Variants in SGCZ observed in about 807,000 individuals in gnomAD.
SGCZ encodes zeta-sarcoglycan.
A neutral mutation model predicts 41.3 loss-of-function variants in SGCZ; 40 were observed. That is an observed-to-expected ratio of 0.97 (90% CI 0.75 to 1.26). SGCZ has a LOEUF of 1.26. SGCZ is among the 50% of genes most tolerant of loss of function. The pLI is 0.00. For missense variants in SGCZ, 552 were observed against 369.8 expected (o/e 1.49, Z -4.04); for synonymous variants, 206 against 137.5 (o/e 1.50, Z -3.49).
intron 4 of SGCZ, among the ~76,000 whole-genome samples, chr8:14,181,015 G>A (rs189134878): frequency 3.3e-4 from 51 of 152,256 alleles, no homozygotes; most frequent in African/African-American, 1.0e-3. Context: ...AGTCGATACC[G>A]TTTGCAAGGC....
chr8:14,820,999 T>A (rs1361275992), intron 1 of SGCZ, among the ~76,000 whole-genome samples: 1 of 148,562 alleles, frequency 6.7e-6, no homozygotes, highest in African/African-American at 2.5e-5. Context: ...CAGAGATAAG[T>A]AAAATAGCGA....
chr8:14,300,029 A>G (rs1801133712), intron 3 of SGCZ, among the ~76,000 whole-genome samples: 1 of 151,964 alleles, frequency 6.6e-6, no homozygotes, highest in Non-Finnish European at 1.5e-5. Flanking sequence ...GGCAAAATTG[A>G]TCTATGGTTT....
intron 1 of SGCZ, among the ~76,000 whole-genome samples, chr8:15,140,317 G>A (rs746058038): frequency 2.6e-5 from 4 of 152,118 alleles, no homozygotes; most frequent in Non-Finnish European, 5.9e-5. Context: ...GAGCCACCGT[G>A]CCCAGTCATT....
intron 3 of SGCZ, among the ~76,000 whole-genome samples, chr8:14,269,838 T>A (rs982255630): frequency 6.6e-6 from 1 of 152,150 alleles, no homozygotes; most frequent in Non-Finnish European, 1.5e-5. Context: ...TTGCTTGATA[T>A]CCTTTCAATA....
At chr8:14,364,455 C>T (rs1450932894) in intron 2 of SGCZ, among the ~76,000 whole-genome samples, 2 of 152,110 alleles carry the variant, frequency 1.3e-5, no homozygotes, top group Non-Finnish European at 2.9e-5. Context: ...ACAGCACTGC[C>T]TGCTTTGATT....
At chr8:14,721,631 G>C (rs898337339) in intron 1 of SGCZ, among the ~76,000 whole-genome samples, 1 of 152,060 alleles carries the variant, frequency 6.6e-6, no homozygotes, top group Admixed American at 6.6e-5. Flanking sequence ...TTCTCACTTG[G>C]ATTATTATGA....
chr8:14,570,413 T>C (rs184469835), intron 1 of SGCZ, among the ~76,000 whole-genome samples: 3 of 152,340 alleles, frequency 2.0e-5, no homozygotes, highest in Non-Finnish European at 2.9e-5. Flanking sequence ...TTGCTATTTA[T>C]GTCACACTAA....
intron 2 of SGCZ, among the ~76,000 whole-genome samples, chr8:14,412,856 G>C (rs1404476837): frequency 6.6e-6 from 1 of 151,970 alleles, no homozygotes; most frequent in African/African-American, 2.4e-5. Flanking sequence ...TCTGAAACTT[G>C]ATAGATATGG....
At chr8:14,305,703 C>A (rs551688915) in intron 3 of SGCZ, among the ~76,000 whole-genome samples, 1 of 152,246 alleles carries the variant, frequency 6.6e-6, no homozygotes, top group East Asian at 1.9e-4. Context: ...TTTTTCCCAT[C>A]GCTGTATTTC....
intron 1 of SGCZ, among the ~76,000 whole-genome samples, chr8:14,796,902 C>T (rs539045851): frequency 7.9e-5 from 12 of 152,198 alleles, no homozygotes; most frequent in African/African-American, 2.9e-4. Context: ...CCCCTTCACT[C>T]AGCTATCAGT....
chr8:15,183,249 A>G (rs951593131), intron 1 of SGCZ, among the ~76,000 whole-genome samples: 1 of 152,264 alleles, frequency 6.6e-6, no homozygotes. Context: ...TTTATTATCA[A>G]GTATTATATA....
chr8:15,034,941 C>G (rs1329482772), intron 1 of SGCZ, among the ~76,000 whole-genome samples: 1 of 152,070 alleles, frequency 6.6e-6, no homozygotes, highest in Non-Finnish European at 1.5e-5. Flanking sequence ...GGACTTGTCT[C>G]CTAAGAAAGC....
intron 1 of SGCZ, among the ~76,000 whole-genome samples, chr8:14,911,406 A>T (rs11988018): frequency 1.3e-5 from 2 of 151,996 alleles, no homozygotes; most frequent in Non-Finnish European, 2.9e-5. Context: ...TAGGACATTA[A>T]ATAGCTATTG....
chr8:14,341,226 T>C (rs942380793), intron 2 of SGCZ, among the ~76,000 whole-genome samples: 1 of 152,234 alleles, frequency 6.6e-6, no homozygotes, highest in Non-Finnish European at 1.5e-5. Flanking sequence ...TGAATAACTT[T>C]GCTATGAACA....
At chr8:15,083,597 G>A (rs1419268646) in intron 1 of SGCZ, among the ~76,000 whole-genome samples, 3 of 152,062 alleles carry the variant, frequency 2.0e-5, no homozygotes, top group East Asian at 1.9e-4. Flanking sequence ...CACCTAGGCT[G>A]GAGTCCAGTG....
intron 1 of SGCZ, among the ~76,000 whole-genome samples, chr8:14,935,898 A>C (rs1800066374): frequency 6.6e-6 from 1 of 151,934 alleles, no homozygotes; most frequent in African/African-American, 2.4e-5. Flanking sequence ...CCAGAAACAA[A>C]ATAATAAACA....
chr8:14,181,181 G>C (rs554828107), intron 4 of SGCZ, among the ~76,000 whole-genome samples: 90 of 152,116 alleles, frequency 5.9e-4, no homozygotes, highest in Non-Finnish European at 1.2e-3. Flanking sequence ...CATTTATGAG[G>C]GTCCCTACTA....
At position 14,092,715 on chromosome 8, in the gene SGCZ, G is replaced by A. The variant is rs889729032; in HGVS notation, c.745-2078C>T. 4.6e-5 allele frequency among the ~76,000 whole-genome samples: 7 copies of A among 151,984 alleles called. No individual in the cohort carries two copies. In the South Asian group the frequency reaches 8.3e-4, roughly 18 times the overall value. ...TCTTGCCTGCCACCACATAAGATGC[G>A]CCTTTTGCCTTCTGCCATGATGGTG... On this transcript the variant is annotated intron_variant, in intron 7 of 7. Transcript: ENST00000382080.
intron 1 of SGCZ, among the ~76,000 whole-genome samples, chr8:15,117,237 T>C (rs1295897254): frequency 2.6e-5 from 4 of 151,936 alleles, no homozygotes; most frequent in African/African-American, 4.8e-5. Flanking sequence ...CAGGCGCCTG[T>C]AGTCCCAGCT....
Sources: gnomAD v4.1 joint callset for allele counts (sites outside exome capture counted in the v4.1 genomes callset) on GRCh38, gnomAD v4.1.1 for gene constraint, MANE v1.5 for transcripts, NCBI Gene and HGNC (gene_info 2026-07-23, HGNC 2026-07-21) for gene names.